FGFR1: variants seen among roughly 807,000 people sequenced by gnomAD.
FGFR1 encodes FGFR1/PLAG1 fusion.
Under a neutral mutation model 93.7 loss-of-function variants are expected in FGFR1, and 18 were observed. The ratio of observed to expected loss-of-function variants is 0.19; its 90% CI spans 0.13 to 0.28. FGFR1 has a LOEUF of 0.28. Ranked by LOEUF, FGFR1 falls within the 10% of genes least tolerant of loss-of-function variation. The probability of loss-of-function intolerance (pLI) is 1.00; values close to 1 mark genes in which losing one functional copy is unlikely to be tolerated. For synonymous variants in FGFR1, 448 were observed against 429.3 expected, an observed-to-expected ratio of 1.04 and a Z score of -0.54; for missense variants, 731 against 1,080.4, an observed-to-expected ratio of 0.68 and a Z score of 4.53.
intron 1 of FGFR1, among the ~76,000 whole-genome samples, chr8:38,458,427 G>C (rs530275857): frequency 6.6e-6 from 1 of 152,244 alleles, no homozygotes; most frequent in Admixed American, 6.5e-5. Flanking sequence ...TGTAATCCCA[G>C]CTACTCAGGA....
intron 2 of FGFR1, among the ~76,000 whole-genome samples, chr8:38,452,318 C>T (rs1225990476): frequency 6.6e-6 from 1 of 151,896 alleles, no homozygotes; most frequent in African/African-American, 2.4e-5. Context: ...TTTGCTCTCA[C>T]CTTTTGGACA....
rs766751632 is a variant in FGFR1 at position 38,424,362 on chromosome 8, A to C, written c.936+147T>G. Reference sequence around the variant, plus strand: ...TACTAGTCCTGGGGGATGTGGCTAGATCCCTACTGAGATGGAGTGTGTGTG... The same window carrying C: ...TACTAGTCCTGGGGGATGTGGCTAGCTCCCTACTGAGATGGAGTGTGTGTG... On this transcript the variant is annotated intron_variant, in intron 7 of 17. Transcript: ENST00000447712. The surrounding 1 kb of genome is among the most constrained non-coding windows in gnomAD (Gnocchi z 4.3). The C allele has an allele frequency of 9.3e-6, 8 of 863,892 alleles. No homozygotes were observed. The highest frequency in any genetic ancestry group is 6.0e-5 in the Admixed American group (3 of 50,408). The allele number at this position is 863,892 out of a possible 1,614,324, so 53.5% of individuals were successfully genotyped here. A position where few individuals can be genotyped will look rare whatever the true frequency, so the allele number is the denominator to read the frequency against.
intron 2 of FGFR1, among the ~76,000 whole-genome samples, chr8:38,449,129 A>C (rs1268325003): frequency 6.6e-6 from 1 of 152,002 alleles, no homozygotes; most frequent in Non-Finnish European, 1.5e-5. Flanking sequence ...CAGAAAAAAG[A>C]AAAAGAGAAA....
rs1170850969 is a variant in FGFR1, at chr8:38,422,027, A to C, written c.937-86T>G. 2.0e-6 allele frequency: 3 copies of C among 1,480,760 alleles called. No individual in the cohort carries two copies. In the African/African-American group the frequency reaches 4.2e-5, roughly 21 times the overall value. The allele number at this position is 1,480,760 out of a possible 1,614,324, so 91.7% of individuals were successfully genotyped here. On this transcript the variant is annotated intron_variant, in intron 7 of 17. Coordinates refer to ENST00000447712, the MANE Select transcript of FGFR1 (RefSeq NM_023110.3). Reference sequence around the variant, plus strand: ...AGAGCAAGGGAAGGAGACAGAAAGAAGGGGGACTAGAGGAAGAAATGCTCC... The same window carrying C: ...AGAGCAAGGGAAGGAGACAGAAAGACGGGGGACTAGAGGAAGAAATGCTCC...
At chr8:38,452,596 C>T (rs1401548357) in intron 2 of FGFR1, among the ~76,000 whole-genome samples, 2 of 152,112 alleles carry the variant, frequency 1.3e-5, no homozygotes, top group Non-Finnish European at 2.9e-5. Context: ...CTCCCGGGCT[C>T]GTGCAATCCT....
In FGFR1 at chr8:38,429,995, G is replaced by A. The variant is rs755488173; in HGVS notation, c.92-47C>T. The A allele has an allele frequency of 6.4e-7, 1 of 1,553,580 alleles. No individual in the cohort carries two copies. The highest frequency in any genetic ancestry group is 8.7e-7 in the Non-Finnish European group (1 of 1,147,920). ...GAAGGGAAGCCAAGGGGCGAGAGAGGAAGACAGGGAGAGGGGAGGAGGGGA... is the reference window on the plus strand; with the variant it reads ...GAAGGGAAGCCAAGGGGCGAGAGAGAAAGACAGGGAGAGGGGAGGAGGGGA... On this transcript the variant is annotated intron_variant, in intron 2 of 17. Coordinates refer to ENST00000447712, the MANE Select transcript of FGFR1 (RefSeq NM_023110.3). This position sits in a 1 kb window ranked among gnomAD's most constrained non-coding sequence, Gnocchi z 4.4.
At chr8:38,439,571 C>A (rs541369121) in intron 2 of FGFR1, among the ~76,000 whole-genome samples, 41 of 152,330 alleles carry the variant, frequency 2.7e-4, no homozygotes, top group Admixed American at 7.2e-4. Context: ...ACCCCCAACA[C>A]TCCATGACAG....
intron 2 of FGFR1, chr8:38,434,955 C>G (rs1346054278): frequency 6.6e-6 from 1 of 152,308 alleles, no homozygotes; most frequent in Non-Finnish European, 1.5e-5. Flanking sequence ...GCAACCTTTG[C>G]CTCCCCAGTT....
intron 1 of FGFR1, chr8:38,467,746 G>A (rs1027114450): frequency 3.4e-5 from 8 of 233,402 alleles, no homozygotes; most frequent in Non-Finnish European, 5.1e-5. Context: ...AGAGCGGCGG[G>A]ACGAGCGCAG....
Position 38,461,148 on chromosome 8 carries a change from G to GC in FGFR1, c.-88-3615_-88-3614insG, listed in dbSNP as rs1358676763. 2.0e-6 allele frequency: 3 copies of GC among 1,536,020 alleles called. No individual in the cohort carries two copies. In the South Asian group the frequency reaches 3.6e-5, roughly 18 times the overall value. On this transcript the variant is annotated intron_variant, in intron 1 of 17. Transcript: ENST00000447712. ...GACTGAATGGGCTGCATGGGTGAAA[G>GC]TGCCTGCTGTCTTCTCACTGGAGTA...
chr8:38,428,124 G>A lies in FGFR1; in HGVS notation c.449-31C>T, dbSNP rs779135075. The stretch of plus-strand genomic sequence containing the variant: ...CGGGGAAAGCCAAGAGAGACAGGCA[G>A]GGTGGAGAGGAGCAGCTGGTCAGGC... On this transcript the variant is annotated intron_variant, in intron 4 of 17. Coordinates refer to ENST00000447712, the MANE Select transcript of FGFR1 (RefSeq NM_023110.3). 5.6e-6 allele frequency: 9 copies of A among 1,613,336 alleles called. No individual in the cohort carries two copies. In the South Asian group the frequency reaches 6.6e-5, roughly 12 times the overall value.
At position 38,426,343 on chromosome 8, in the gene FGFR1, A is replaced by G. The variant is rs1406843362; in HGVS notation, c.622-98T>C. Reference sequence around the variant, plus strand: ...CCGTGGCACCTGCCCTCCATATCAGAGCCTGGTGGCACAGGGCCCCAGGCT... The same window carrying G: ...CCGTGGCACCTGCCCTCCATATCAGGGCCTGGTGGCACAGGGCCCCAGGCT... On this transcript the variant is annotated intron_variant, in intron 5 of 17. Transcript: ENST00000447712. The surrounding 1 kb of genome is among the most constrained non-coding windows in gnomAD (Gnocchi z 4.1). 1 of 1,555,926 alleles carries G rather than the reference A, an allele frequency of 6.4e-7. No homozygotes were observed. Among genetic ancestry groups the G allele is most frequent in the Non-Finnish European group, 8.8e-7 (1 of 1,138,740 alleles).
At position 38,429,661 on chromosome 8, in the gene FGFR1, G is replaced by A. The variant is rs2150953555; in HGVS notation, c.358+21C>T. 6.4e-7 allele frequency: 1 copy of A among 1,558,812 alleles called. No homozygotes were observed. Among genetic ancestry groups the A allele is most frequent in the Non-Finnish European group, 8.7e-7 (1 of 1,150,886 alleles). On this transcript the variant is annotated intron_variant, in intron 3 of 17. Transcript: ENST00000447712. This position sits in a 1 kb window ranked among gnomAD's most constrained non-coding sequence, Gnocchi z 4.4. ...AGGGGGTGGGTCTAGGGAGGGGCAA[G>A]GGCAGGGCTTGGCTACCAACCTGAA...
chr8:38,415,970 T>C lies in FGFR1; in HGVS notation c.1754A>G (p.Tyr585Cys). 6.2e-7 allele frequency: 1 copy of C among 1,614,080 alleles called. No homozygotes were observed. Among genetic ancestry groups the C allele is most frequent in the Non-Finnish European group, 8.5e-7 (1 of 1,180,022 alleles). The change falls in exon 13 of 18, where the codon TAC becomes TGC. Residue 585 changes from tyrosine (Y) to cysteine (C), a missense_variant. Tyr to Cys is a radical substitution (Grantham distance 194, BLOSUM62 -2). Around this residue, in one of 10 missense-constraint regions of FGFR1, gnomAD observed 39 missense variants for 39.2 expected, o/e 1.00. Transcript: ENST00000447712. ...CTCCTCTGGGTTGTGGCTGGGGTTG[T>C]AGCAGTATTCCAGCCCTGGGGGCCT... ...ARRPPGLEYC[Y>C]NPSHNPEEQL...
At chr8:38,442,362 GGTGTGTGTGT>G (rs56889687) in intron 2 of FGFR1, among the ~76,000 whole-genome samples, 2 of 145,980 alleles carry the variant, frequency 1.4e-5, no homozygotes, top group Admixed American at 6.9e-5. Flanking sequence ...TTGTTAAAGT[GGTGTGTGTGT>G]GTGTGTGTGT....
intron 2 of FGFR1, among the ~76,000 whole-genome samples, chr8:38,432,491 CA>C (rs1321738768): frequency 6.6e-6 from 1 of 150,720 alleles, no homozygotes; most frequent in Non-Finnish European, 1.5e-5. Flanking sequence ...CGGCTCACTG[CA>C]ACCTCTGCCT....
At chr8:38,443,416 T>C (rs1020161229) in intron 2 of FGFR1, among the ~76,000 whole-genome samples, 10 of 151,308 alleles carry the variant, frequency 6.6e-5, no homozygotes, top group Non-Finnish European at 1.2e-4. Context: ...CTCCAATACT[T>C]CGGGAGGCTG....
rs1183624798 is a variant in FGFR1, at chr8:38,428,001, T to C, written c.541A>G (p.Ser181Gly). The C allele has an allele frequency of 6.2e-7, 1 of 1,614,272 alleles. No individual in the cohort carries two copies. Among genetic ancestry groups the C allele is most frequent in the South Asian group, 1.1e-5 (1 of 91,092 alleles). The change falls in exon 5 of 18, where the codon AGT (serine) becomes GGT (glycine). Residue 181 changes from serine (S) to glycine (G), a missense_variant. Physicochemically the swap from Ser to Gly is moderately conservative, Grantham distance 56. Around this residue, in one of 10 missense-constraint regions of FGFR1, gnomAD observed 109 missense variants for 249.4 expected, o/e 0.44. Transcript: ENST00000447712. ...CGCAGTGTGGGGTTTGGGGTCCCAC[T>C]GGAAGGGCATTTGAACTTCACTGTC... ...AKTVKFKCPS[S>G]GTPNPTLRWL...
intron 1 of FGFR1, chr8:38,463,313 T>C (rs908852201): frequency 4.4e-5 from 8 of 182,332 alleles, no homozygotes; most frequent in Non-Finnish European, 8.2e-5. Context: ...AGCCCTTCCC[T>C]TTTCTCTGAA....
Sources: allele counts gnomAD v4.1 joint callset (sites outside exome capture counted in the v4.1 genomes callset), GRCh38; gene constraint gnomAD v4.1.1; regional missense constraint gnomAD v4.1.1; non-coding constraint Gnocchi (gnomAD v3.1); transcripts MANE v1.5; gene names NCBI Gene and HGNC (gene_info 2026-07-23, HGNC 2026-07-21).